Variants in CEP63 observed in about 807,000 individuals in gnomAD.
The protein encoded by CEP63 is centrosomal protein of 63 kDa.
Under a neutral mutation model 89.1 loss-of-function variants are expected in CEP63, and 84 were observed. The observed-to-expected ratio is 0.94, with a 90% confidence interval of 0.79 to 1.13. CEP63 has a LOEUF of 1.13. Ranked by LOEUF, CEP63 falls within the 50% of genes most tolerant of loss-of-function variation. The pLI is 0.00. For synonymous variants in CEP63, 267 were observed against 272.5 expected, an observed-to-expected ratio of 0.98 and a Z score of 0.20; for missense variants, 838 against 813.3, an observed-to-expected ratio of 1.03 and a Z score of -0.37.
rs964557550 is a variant in CEP63, at chr3:134,561,837, A to G, written c.*302A>G. 9.6e-6 allele frequency: 11 copies of G among 1,142,562 alleles called. No homozygotes were observed. The African/African-American group carries it at 1.1e-4, about 12-fold the overall frequency. The allele number at this position is 1,142,562 out of a possible 1,614,324, so 70.8% of individuals were successfully genotyped here. On this transcript the variant is annotated 3_prime_UTR_variant, in exon 15 of 15. Coordinates refer to ENST00000675561, the MANE Select transcript of CEP63 (RefSeq NM_001353108.3). ...CTTGCTGACTTAAATGTGAATAGCTATGTACTAATTGAAATAAGGATTTTA... is the reference window on the plus strand; with the variant it reads ...CTTGCTGACTTAAATGTGAATAGCTGTGTACTAATTGAAATAAGGATTTTA...
the CEP63 span, among the ~76,000 whole-genome samples, chr3:134,661,517 G>A: frequency 6.6e-6 from 1 of 152,188 alleles, no homozygotes; most frequent in African/African-American, 2.4e-5. Flanking sequence ...TGACCTAGAA[G>A]ATAGTGTGTA....
chr3:134,720,405 T>C, the CEP63 span, among the ~76,000 whole-genome samples: 7,902 of 151,218 alleles, frequency 0.052, 272 homozygotes, highest in Middle Eastern at 0.085. Context: ...TCTCCTATTA[T>C]TTGGTTTGTC....
chr3:134,693,798 C>G, the CEP63 span, among the ~76,000 whole-genome samples: 1 of 152,320 alleles, frequency 6.6e-6, no homozygotes, highest in African/African-American at 2.4e-5. Flanking sequence ...GCAGGGCTGT[C>G]CTTTGGCTGC....
chr3:134,727,197 G>A, the CEP63 span, among the ~76,000 whole-genome samples: 1 of 152,208 alleles, frequency 6.6e-6, no homozygotes, highest in African/African-American at 2.4e-5. Flanking sequence ...AGGGCAACAA[G>A]TTTCACTGCT....
chr3:134,543,574 A>G (rs1325333659), intron 6 of CEP63, among the ~76,000 whole-genome samples: 3 of 152,254 alleles, frequency 2.0e-5, no homozygotes, highest in Admixed American at 6.5e-5. Flanking sequence ...TATTATATCA[A>G]TACTGAGTTT....
At chr3:134,506,658 C>A (rs1169151817) in intron 2 of CEP63, among the ~76,000 whole-genome samples, 2 of 152,128 alleles carry the variant, frequency 1.3e-5, no homozygotes, top group Non-Finnish European at 2.9e-5. Context: ...GTGGCTCACA[C>A]CTGTAATCCC....
intron 10 of CEP63, among the ~76,000 whole-genome samples, chr3:134,584,382 A>G (rs912174302): frequency 6.6e-6 from 1 of 152,160 alleles, no homozygotes; most frequent in Non-Finnish European, 1.5e-5. Context: ...AGTTTTTAGC[A>G]TGAACTGGTG....
chr3:134,554,905 T>G (rs1955813707), intron 12 of CEP63, among the ~76,000 whole-genome samples: 1 of 152,064 alleles, frequency 6.6e-6, no homozygotes, highest in South Asian at 2.1e-4. Context: ...TCTGTTCATG[T>G]CCTTTGCCCA....
At chr3:134,604,651 A>G in the CEP63 span, among the ~76,000 whole-genome samples, 1 of 152,344 alleles carries the variant, frequency 6.6e-6, no homozygotes, top group East Asian at 1.9e-4. Context: ...GACTTCACTG[A>G]GCATGGCATC....
chr3:134,694,484 A>T, the CEP63 span, among the ~76,000 whole-genome samples: 1 of 152,168 alleles, frequency 6.6e-6, no homozygotes, highest in Admixed American at 6.5e-5. Flanking sequence ...ACTCTTCTTC[A>T]TTCCAGCATC....
chr3:134,743,803 C>T, the CEP63 span, among the ~76,000 whole-genome samples: 2 of 152,202 alleles, frequency 1.3e-5, no homozygotes, highest in African/African-American at 4.8e-5. Flanking sequence ...ACTCTTCCTT[C>T]CTCCTGACAC....
the CEP63 span, among the ~76,000 whole-genome samples, chr3:134,673,930 G>T: frequency 3.3e-5 from 5 of 152,108 alleles, no homozygotes; most frequent in Non-Finnish European, 1.5e-5. Flanking sequence ...TTTATTTGGG[G>T]GCCCACCATC....
intron 3 of CEP63, among the ~76,000 whole-genome samples, chr3:134,519,041 A>G (rs1946844992): frequency 6.6e-6 from 1 of 152,034 alleles, no homozygotes; most frequent in South Asian, 2.1e-4. Context: ...CACCACAGTA[A>G]AACATTTAGA....
At chr3:134,732,137 C>T in the CEP63 span, among the ~76,000 whole-genome samples, 11 of 152,228 alleles carry the variant, frequency 7.2e-5, no homozygotes, top group African/African-American at 1.9e-4. Flanking sequence ...CCAAGATATT[C>T]GATTCCTCTC....
At chr3:134,771,909 T>C in the CEP63 span, among the ~76,000 whole-genome samples, 2 of 152,258 alleles carry the variant, frequency 1.3e-5, no homozygotes, top group African/African-American at 4.8e-5. Flanking sequence ...TTCTAACTGC[T>C]GTCCACTGAC....
At chr3:134,603,518 G>A in the CEP63 span, 16 of 1,461,332 alleles carry the variant, frequency 1.1e-5, 1 homozygote, top group South Asian at 6.8e-5. Context: ...CACTTCCTTC[G>A]AGCCCTCCCT....
At chr3:134,774,302 C>A in the CEP63 span, among the ~76,000 whole-genome samples, 5 of 152,284 alleles carry the variant, frequency 3.3e-5, no homozygotes, top group East Asian at 3.9e-4. Context: ...AGAAACAATA[C>A]AATAAACACT....
At chr3:134,732,345 C>T in the CEP63 span, among the ~76,000 whole-genome samples, 1 of 152,118 alleles carries the variant, frequency 6.6e-6, no homozygotes, top group South Asian at 2.1e-4. Flanking sequence ...AAAATGTTTC[C>T]TTCTGAATTA....
chr3:134,566,783 TTGAAGA>T (rs1957777277), downstream of CEP63, among the ~76,000 whole-genome samples: 1 of 152,050 alleles, frequency 6.6e-6, no homozygotes, highest in Non-Finnish European at 1.5e-5. Flanking sequence ...ATCACAAGTG[TTGAAGA>T]TGATGTGGAG....
Sources: allele counts gnomAD v4.1 joint callset (sites outside exome capture counted in the v4.1 genomes callset), GRCh38; gene constraint gnomAD v4.1.1; transcripts MANE v1.5; gene names NCBI Gene and HGNC (gene_info 2026-07-23, HGNC 2026-07-21).